Variants in TAMM41 observed in about 807,000 individuals in gnomAD.
TAMM41 encodes phosphatidate cytidylyltransferase, mitochondrial.
Under a neutral mutation model 44.1 loss-of-function variants are expected in TAMM41, and 36 were observed. The observed-to-expected ratio is 0.82, with a 90% CI of 0.63 to 1.08. The LOEUF is 1.08. TAMM41 is among the 50% of genes least tolerant of loss of function. The probability of loss-of-function intolerance (pLI) is 0.00; values close to 1 mark genes in which losing one functional copy is unlikely to be tolerated. For missense variants in TAMM41, 417 were observed against 404.3 expected (o/e 1.03, Z -0.27); for synonymous variants, 164 against 153.1 (o/e 1.07, Z -0.53).
chr3:11,801,488 C>A (rs574775775), intron 7 of TAMM41, among the ~76,000 whole-genome samples: 4 of 152,120 alleles, frequency 2.6e-5, no homozygotes, highest in Non-Finnish European at 5.9e-5. Flanking sequence ...CCATGCACAG[C>A]TGCACAGCTA....
chr3:11,783,690 C>T, the TAMM41 span, among the ~76,000 whole-genome samples: 1 of 152,140 alleles, frequency 6.6e-6, no homozygotes, highest in African/African-American at 2.4e-5. Flanking sequence ...TAACAGCTAC[C>T]ATTTACTGGG....
intron 2 of TAMM41, 83 bp downstream of exon 2, chr3:11,843,946 C>T: frequency 2.1e-6 from 3 of 1,427,724 alleles, no homozygotes; most frequent in Non-Finnish European, 2.9e-6. Flanking sequence ...TTCCTGACCA[C>T]AAGAACATAC....
At chr3:11,825,876 G>A (rs2078727528) in intron 4 of TAMM41, among the ~76,000 whole-genome samples, 2 of 151,964 alleles carry the variant, frequency 1.3e-5, no homozygotes, top group Admixed American at 6.6e-5. Flanking sequence ...ACTGCAGCCT[G>A]GAAGTTGGGA....
intron 7 of TAMM41, among the ~76,000 whole-genome samples, chr3:11,802,551 C>T (rs543762290): frequency 2.6e-5 from 4 of 152,250 alleles, no homozygotes; most frequent in Admixed American, 2.6e-4. Flanking sequence ...GACTGAATCA[C>T]TAATAAAAAT....
the TAMM41 span, among the ~76,000 whole-genome samples, chr3:11,734,102 G>A: frequency 2.6e-5 from 4 of 152,172 alleles, no homozygotes; most frequent in African/African-American, 7.2e-5. Context: ...ATGTAGTTCC[G>A]GGGTGGGCAG....
At chr3:11,740,329 T>C in the TAMM41 span, among the ~76,000 whole-genome samples, 1 of 152,138 alleles carries the variant, frequency 6.6e-6, no homozygotes, top group Non-Finnish European at 1.5e-5. Context: ...GTGGATATAA[T>C]TGCAGATTCA....
the TAMM41 span, among the ~76,000 whole-genome samples, chr3:11,755,935 T>C: frequency 3.4e-5 from 5 of 146,578 alleles, no homozygotes; most frequent in East Asian, 2.0e-4. Flanking sequence ...ACGAGTATTA[T>C]ATAATGGGGG....
chr3:11,804,876 T>TG (rs1430768563), intron 7 of TAMM41, among the ~76,000 whole-genome samples: 2 of 151,794 alleles, frequency 1.3e-5, no homozygotes, highest in Non-Finnish European at 2.9e-5. Context: ...TAATTTTTTT[T>TG]TTTTTTGAGA....
chr3:11,846,573 C>T lies in TAMM41; in HGVS notation c.64G>A (p.Glu22Lys). The change falls in exon 1 of 8, where the codon GAG (glutamate) becomes AAG (lysine). Residue 22 changes from glutamate to lysine, a missense_variant. Transcript: ENST00000455809. ...TAGACGAAAGCCAGACTCAGCTCCT[C>T]GGGGAAGTGAGACAGGATCTTGCGG... ...TFRKILSHFP[E>K]ELSLAFVYGS... The T allele has an allele frequency of 6.2e-7, 1 of 1,614,222 alleles. No individual in the cohort carries two copies. Among genetic ancestry groups the T allele is most frequent in the Non-Finnish European group, 8.5e-7 (1 of 1,180,046 alleles).
At chr3:11,786,258 CATTTATTT>C (rs58941446), downstream of TAMM41, among the ~76,000 whole-genome samples, 617 of 143,236 alleles carry the variant, frequency 4.3e-3, 7 homozygotes, top group African/African-American at 0.014. Flanking sequence ...CATTAAGTTC[CATTTATTT>C]ATTTATTTAT....
intron 4 of TAMM41, among the ~76,000 whole-genome samples, chr3:11,818,362 T>C (rs973683925): frequency 2.6e-5 from 4 of 152,164 alleles, no homozygotes; most frequent in Admixed American, 6.5e-5. Flanking sequence ...CCAGGACATA[T>C]GGTTACCCTC....
chr3:11,726,936 A>G, the TAMM41 span, among the ~76,000 whole-genome samples: 2 of 152,178 alleles, frequency 1.3e-5, no homozygotes, highest in African/African-American at 2.4e-5. Context: ...GTGTGAGAAC[A>G]GGTGCATTTC....
chr3:11,784,363 T>A, the TAMM41 span, among the ~76,000 whole-genome samples: 1 of 152,128 alleles, frequency 6.6e-6, no homozygotes, highest in African/African-American at 2.4e-5. Context: ...GGTGTGGTGG[T>A]GTGAGCCTGT....
In TAMM41 at chr3:11,829,742, G is replaced by A; in HGVS notation, c.534C>T (p.Phe178=). 6.2e-7 allele frequency: 1 copy of A among 1,614,208 alleles called. No individual in the cohort carries two copies. The highest frequency in any genetic ancestry group is 8.5e-7 in the Non-Finnish European group (1 of 1,180,018). ...LPESFSEEDL[F]IEIAGLSYSG... is the part of the protein sequence containing the mutation. The stretch of plus-strand genomic sequence containing the variant: ...AATAGGAGAGACCGGCAATCTCTAT[G>A]AAGAGGTCTTCTTCAGAAAAGCTTT... Residue 178 remains phenylalanine, a synonymous_variant, in exon 4 of 8, where the codon TTC becomes TTT. Coordinates refer to ENST00000455809, the MANE Select transcript of TAMM41 (RefSeq NM_001284401.2).
the TAMM41 span, among the ~76,000 whole-genome samples, chr3:11,767,626 A>ATTGTTTTTTTTTTTTTTTTTTT: frequency 1.6e-5 from 1 of 60,692 alleles, no homozygotes; most frequent in Non-Finnish European, 3.1e-5. Context: ...CACGTTGTGC[A>ATTGTTTTTTTTTTTTTTTTTTT]TTTTTTTTTT....
chr3:11,840,998 A>G (rs963457355), intron 2 of TAMM41, among the ~76,000 whole-genome samples: 22 of 152,086 alleles, frequency 1.4e-4, no homozygotes, highest in African/African-American at 5.3e-4. Flanking sequence ...ACACTTTTGT[A>G]ATTACAAAGC....
At chr3:11,828,948 CT>C (rs754570796) in intron 4 of TAMM41, among the ~76,000 whole-genome samples, 11 of 152,010 alleles carry the variant, frequency 7.2e-5, no homozygotes, top group Non-Finnish European at 1.3e-4. Context: ...GGTTTTCAAA[CT>C]TTTTAAAAAG....
At chr3:11,808,084 C>T in intron 6 of TAMM41, 189 bp from the exon 7 acceptor site, 2 of 1,195,464 alleles carry the variant, frequency 1.7e-6, no homozygotes, top group Admixed American at 3.0e-5. Context: ...ACCAGAGCAG[C>T]CAGCCGTGGC....
At chr3:11,793,559 C>T (rs1206938965) in intron 7 of TAMM41, among the ~76,000 whole-genome samples, 2 of 152,214 alleles carry the variant, frequency 1.3e-5, no homozygotes, top group Non-Finnish European at 2.9e-5. Flanking sequence ...AGCAGCACTA[C>T]TTCTAATAGT....
Sources: gnomAD v4.1 joint callset for allele counts (sites outside exome capture counted in the v4.1 genomes callset) on GRCh38, gnomAD v4.1.1 for gene constraint, MANE v1.5 for transcripts, NCBI Gene and HGNC (gene_info 2026-07-23, HGNC 2026-07-21) for gene names.